ADGRL2: variants seen among roughly 807,000 people sequenced by gnomAD.
ADGRL2 encodes adhesion G protein-coupled receptor L2.
ADGRL2 carries 44 observed loss-of-function variants against 157.4 expected under a neutral mutation model. The observed-to-expected ratio is 0.28, with a 90% CI of 0.22 to 0.36. The LOEUF (loss-of-function observed/expected upper bound fraction) is 0.36. Ranked by LOEUF, ADGRL2 falls within the 10% of genes least tolerant of loss-of-function variation. The pLI, the probability that ADGRL2 is intolerant of heterozygous loss-of-function variation, is 1.00. For missense variants in ADGRL2, 1,510 were observed against 1,768.9 expected (o/e 0.85, Z 2.63); for synonymous variants, 585 against 624.7 (o/e 0.94, Z 0.95).
rs184837257 is a variant in ADGRL2 at position 81,874,171 on chromosome 1, T to G, written c.74-32846T>G. Among the ~76,000 whole-genome samples the G allele has an allele frequency of 2.6e-5, 4 of 152,270 alleles. No individual in the cohort carries two copies. The East Asian group carries it at 7.7e-4, about 29-fold the overall frequency. On this transcript the variant is annotated intron_variant, in intron 2 of 23. Transcript: ENST00000686636. ...TGGCATTGAAAACTTGCCATTTCAGTCTTCATGGCTCCCTTTGGAAACAAC... is the reference window on the plus strand; with the variant it reads ...TGGCATTGAAAACTTGCCATTTCAGGCTTCATGGCTCCCTTTGGAAACAAC...
chr1:81,504,471 T>C (rs2078925117), intron 2 of ADGRL2, among the ~76,000 whole-genome samples: 1 of 152,106 alleles, frequency 6.6e-6, no homozygotes, highest in South Asian at 2.1e-4. Flanking sequence ...AAATCTTTTT[T>C]ATATGTGTTT....
chr1:81,345,154 A>G (rs1162004548), intron 1 of ADGRL2, among the ~76,000 whole-genome samples: 2 of 152,244 alleles, frequency 1.3e-5, no homozygotes, highest in Non-Finnish European at 2.9e-5. Flanking sequence ...AGTGGAAACT[A>G]CATGCTTTTT....
chr1:81,364,115 C>T (rs1312480880), intron 1 of ADGRL2, among the ~76,000 whole-genome samples: 1 of 152,048 alleles, frequency 6.6e-6, no homozygotes, highest in Non-Finnish European at 1.5e-5. Flanking sequence ...CTCCCCCTTA[C>T]CCCCACTCTA....
Position 81,985,358 on chromosome 1 carries a change from C to T in ADGRL2, c.3508+3C>T. 1.3e-6 allele frequency: 2 copies of T among 1,562,176 alleles called. No individual in the cohort carries two copies. The highest frequency in any genetic ancestry group is 1.7e-5 in the Admixed American group (1 of 57,576). ...TAGCACTTCAACACTTAATCAAGGT[C>T]AGTTATCAGGAAAATTTGAGTTACT... is the stretch of plus-strand genomic sequence containing the variant. On this transcript the variant is annotated splice_donor_region_variant and intron_variant, in intron 21 of 23. Coordinates refer to ENST00000686636, the MANE Select transcript of ADGRL2 (RefSeq NM_001366006.2).
At chr1:81,561,037 T>C (rs938463286) in intron 2 of ADGRL2, among the ~76,000 whole-genome samples, 3 of 152,166 alleles carry the variant, frequency 2.0e-5, no homozygotes, top group Non-Finnish European at 4.4e-5. Context: ...CCTCACCTCT[T>C]TTGAGTTTTT....
chr1:81,654,866 G>C (rs2082496159), intron 3 of ADGRL2, among the ~76,000 whole-genome samples: 1 of 152,164 alleles, frequency 6.6e-6, no homozygotes, highest in Admixed American at 6.5e-5. Context: ...TGATTTGTTG[G>C]ACAGGTCTGT....
intron 2 of ADGRL2, among the ~76,000 whole-genome samples, chr1:81,479,773 C>T (rs752865181): frequency 6.6e-6 from 1 of 152,026 alleles, no homozygotes; most frequent in Non-Finnish European, 1.5e-5. Context: ...TACATCTGAG[C>T]GAATTTAACC....
intron 18 of ADGRL2, among the ~76,000 whole-genome samples, chr1:81,980,162 C>T (rs1332747824): frequency 2.0e-5 from 3 of 151,576 alleles, no homozygotes; most frequent in Non-Finnish European, 4.4e-5. Flanking sequence ...TGATCTAGAG[C>T]CAATAAATTG....
At chr1:81,455,932 T>C (rs2077796085) in intron 2 of ADGRL2, among the ~76,000 whole-genome samples, 1 of 152,230 alleles carries the variant, frequency 6.6e-6, no homozygotes. Flanking sequence ...AGTGAATCCT[T>C]GATCACCAGA....
chr1:81,501,951 C>G, intron 2 of ADGRL2: 2 of 1,613,824 alleles, frequency 1.2e-6, no homozygotes, highest in South Asian at 2.2e-5. Context: ...TCCGCCACAG[C>G]TGGGAGACCT....
chr1:81,414,386 G>A (rs1012913807), intron 1 of ADGRL2: 2 of 152,214 alleles, frequency 1.3e-5, no homozygotes, highest in African/African-American at 4.8e-5. Context: ...TCTAGTAAAT[G>A]AGAAGAGAGG....
chr1:81,580,463 TG>T (rs1373320364), intron 2 of ADGRL2, among the ~76,000 whole-genome samples: 1 of 152,070 alleles, frequency 6.6e-6, no homozygotes, highest in Non-Finnish European at 1.5e-5. Flanking sequence ...CCAGTGATGC[TG>T]GGTGCCCAGT....
chr1:81,962,130 C>G (rs897790974), intron 11 of ADGRL2, among the ~76,000 whole-genome samples: 9 of 152,256 alleles, frequency 5.9e-5, no homozygotes, highest in African/African-American at 2.2e-4. Flanking sequence ...CCAAATTGCT[C>G]TCTACCTTCT....
chr1:81,919,571 T>G (rs960952399), intron 3 of ADGRL2, among the ~76,000 whole-genome samples: 3 of 152,046 alleles, frequency 2.0e-5, no homozygotes, highest in South Asian at 4.1e-4. Context: ...TTTTTAAGTT[T>G]TACTCTTGGT....
intron 3 of ADGRL2, among the ~76,000 whole-genome samples, chr1:81,608,995 G>A (rs1375361000): frequency 4.6e-5 from 7 of 152,072 alleles, no homozygotes; most frequent in Admixed American, 4.6e-4. Context: ...AGAGGAGGCG[G>A]GATGGAGAGG....
At chr1:81,775,622 A>G (rs1377489961) in intron 2 of ADGRL2, among the ~76,000 whole-genome samples, 1 of 152,034 alleles carries the variant, frequency 6.6e-6, no homozygotes, top group African/African-American at 2.4e-5. Flanking sequence ...ACAGGAGCCT[A>G]AAATGGAGGC....
chr1:81,816,727 C>A (rs547689821), intron 1 of ADGRL2, among the ~76,000 whole-genome samples: 5 of 151,882 alleles, frequency 3.3e-5, no homozygotes, highest in Admixed American at 3.3e-4. Context: ...TCAACTCTTT[C>A]CAAAGATTCT....
At chr1:81,483,922 A>G (rs1170868507) in intron 2 of ADGRL2, among the ~76,000 whole-genome samples, 1 of 152,188 alleles carries the variant, frequency 6.6e-6, no homozygotes, top group Admixed American at 6.5e-5. Context: ...CAAATCTTCA[A>G]ATGAAAACAA....
At chr1:81,630,290 C>A (rs989004329) in intron 3 of ADGRL2, among the ~76,000 whole-genome samples, 3 of 152,120 alleles carry the variant, frequency 2.0e-5, no homozygotes, top group African/African-American at 7.2e-5. Context: ...CAGCTCCCAT[C>A]AGCCAAGAGC....
Sources: allele counts gnomAD v4.1 joint callset (sites outside exome capture counted in the v4.1 genomes callset), GRCh38; gene constraint gnomAD v4.1.1; transcripts MANE v1.5; gene names NCBI Gene and HGNC (gene_info 2026-07-23, HGNC 2026-07-21).